Variants in LRPAP1 observed in about 807,000 individuals in gnomAD.
LRPAP1 encodes LDL receptor related protein associated protein 1.
LRPAP1 carries 41 observed loss-of-function variants against 39.9 expected under a neutral mutation model. The observed-to-expected ratio is 1.03, with a 90% CI of 0.80 to 1.33. The LOEUF (loss-of-function observed/expected upper bound fraction) is 1.33. LRPAP1 is among the 40% of genes most tolerant of loss of function. The pLI is 0.00. For missense variants in LRPAP1, 565 were observed against 482.3 expected, an observed-to-expected ratio of 1.17 and a Z score of -1.61; for synonymous variants, 263 against 212.7, an observed-to-expected ratio of 1.24 and a Z score of -2.06.
At position 3,514,799 on chromosome 4, in the gene LRPAP1, C is replaced by T. The variant is rs1333498195; in HGVS notation, c.964G>A (p.Glu322Lys). The T allele has an allele frequency of 1.3e-5, 21 of 1,613,060 alleles. No individual in the cohort carries two copies. The highest frequency in any genetic ancestry group is 2.2e-5 in the South Asian group (2 of 91,066). ...GDGERVSRSR[E>K]KHALLEGRTK... ...CGCCCCTCCAGCAGGGCGTGCTTCTCGCGGCTGCGGCTCACACGCTCGCCG... is the reference window on the plus strand; with the variant it reads ...CGCCCCTCCAGCAGGGCGTGCTTCTTGCGGCTGCGGCTCACACGCTCGCCG... The change falls in exon 7 of 8, where the codon GAG (glutamate) becomes AAG (lysine). Residue 322 changes from glutamate (E) to lysine (K), a missense_variant. Transcript: ENST00000650182.
At chr4:3,516,269 AC>A in intron 5 of LRPAP1, 71 bp from the exon 6 acceptor site, 3 of 1,210,214 alleles carry the variant, frequency 2.5e-6, no homozygotes, top group Non-Finnish European at 3.5e-6. Context: ...CGCGGCAACC[AC>A]GCTGAGTGTG....
chr4:3,519,015 G>A lies in LRPAP1; in HGVS notation c.472-24C>T, dbSNP rs746880789. The A allele has an allele frequency of 1.6e-5, 25 of 1,608,622 alleles. No homozygotes were observed. The East Asian group carries it at 2.5e-4, about 16-fold the overall frequency. ...GCCTAAGAGGGAAACAAGGCCTGGA[G>A]TGAACCCGCCGCGGGCTCGTGTGGC... is the stretch of plus-strand genomic sequence containing the variant. On this transcript the variant is annotated intron_variant, in intron 3 of 7. Transcript: ENST00000650182.
intron 1 of LRPAP1, 81 bp downstream of exon 1, chr4:3,532,128 G>A: frequency 1.4e-6 from 2 of 1,415,770 alleles, no homozygotes; most frequent in East Asian, 2.5e-5. Flanking sequence ...CTCCGCCTCC[G>A]ACCCCTGGGC....
intron 6 of LRPAP1, 124 bp from the exon 7 acceptor site, chr4:3,515,052 G>GCGCCA: frequency 9.2e-7 from 1 of 1,082,082 alleles, no homozygotes; most frequent in Non-Finnish European, 1.3e-6. Context: ...AGGCCTTGCG[G>GCGCCA]TGACATGGGC....
chr4:3,532,181 C>A (rs1320444066), intron 1 of LRPAP1, 28 bp downstream of exon 1: 6 of 1,189,500 alleles, frequency 5.0e-6, no homozygotes, highest in African/African-American at 3.0e-5. Context: ...CCCCAGGCCC[C>A]GCTCCACCGA....
chr4:3,522,368 G>A (rs189036710), intron 2 of LRPAP1, among the ~76,000 whole-genome samples: 1 of 152,400 alleles, frequency 6.6e-6, no homozygotes, highest in African/African-American at 2.4e-5. Context: ...ATCAGCAGCA[G>A]GGACTATGGA....
intron 5 of LRPAP1, 76 bp downstream of exon 5, chr4:3,517,958 C>A: frequency 6.6e-7 from 1 of 1,510,072 alleles, no homozygotes; most frequent in Non-Finnish European, 8.9e-7. Flanking sequence ...GCTACAAGCA[C>A]CTGCCTGCTT....
In LRPAP1 at chr4:3,516,272, C is replaced by T; in HGVS notation, c.752-74G>A. The T allele has an allele frequency of 1.7e-5, 20 of 1,186,124 alleles. No homozygotes were observed. In the South Asian group the frequency reaches 2.6e-4, roughly 15 times the overall value. 73.5% of individuals were successfully genotyped at this position (1,186,124 alleles called of 1,614,324 possible). On this transcript the variant is annotated intron_variant, in intron 5 of 7. Coordinates refer to ENST00000650182, the MANE Select transcript of LRPAP1 (RefSeq NM_002337.4). ...CACAGCCAGCCCCGCGGCAACCACGCTGAGTGTGCGTGGAGCCTATGAGGG... is the reference window on the plus strand; with the variant it reads ...CACAGCCAGCCCCGCGGCAACCACGTTGAGTGTGCGTGGAGCCTATGAGGG...
Position 3,513,011 on chromosome 4 carries a change from G to T in LRPAP1, c.1037C>A (p.Ser346Tyr). 1 of 1,612,796 alleles carries T rather than the reference G, an allele frequency of 6.2e-7. No individual in the cohort carries two copies. Among genetic ancestry groups the T allele is most frequent in the Non-Finnish European group, 8.5e-7 (1 of 1,179,490 alleles). ...GTGCCGAGCTCTGGAGATCCTGCCGGACAGGTCCTGCAGATGCTTCTTCAC... is the reference window on the plus strand; with the variant it reads ...GTGCCGAGCTCTGGAGATCCTGCCGTACAGGTCCTGCAGATGCTTCTTCAC... ...YTVKKHLQDLSGRISRARHNE... is the reference protein window; with the variant it reads ...YTVKKHLQDLYGRISRARHNE... The change falls in exon 8 of 8, where the codon TCC (serine) becomes TAC (tyrosine). Residue 346 changes from serine to tyrosine, a missense_variant. Physicochemically the swap from Ser to Tyr is moderately radical, Grantham distance 144 (BLOSUM62 -2). Transcript: ENST00000650182.
intron 3 of LRPAP1, among the ~76,000 whole-genome samples, chr4:3,519,759 C>T (rs1159285924): frequency 1.3e-5 from 2 of 152,218 alleles, no homozygotes; most frequent in South Asian, 2.1e-4. Flanking sequence ...AAATCCGACA[C>T]GGAGTAAAGA....
At chr4:3,529,968 C>T (rs181945762) in intron 1 of LRPAP1, among the ~76,000 whole-genome samples, 6 of 152,184 alleles carry the variant, frequency 3.9e-5, no homozygotes, top group Non-Finnish European at 7.3e-5. Flanking sequence ...GCTGCAGAGC[C>T]GGGCAGGAAG....
At position 3,509,823 on chromosome 4, in the gene LRPAP1, CTGGAGA is replaced by C. The variant is rs1729454949; in HGVS notation, c.*3145_*3150del. On this transcript the variant is annotated 3_prime_UTR_variant, in exon 8 of 8. Transcript: ENST00000650182. ...ACACACGGCAGTCAACGCGTGGACA[CTGGAGA>C]CTGTTGAGACGCCGACTGGAGTCAC... 2.1e-5 allele frequency: 3 copies of C among 142,134 alleles called. No homozygotes were observed. Among genetic ancestry groups the C allele is most frequent in the Admixed American group, 1.4e-4 (2 of 13,934 alleles). The allele number at this position is 142,134 out of a possible 1,614,324, so 8.8% of individuals were successfully genotyped here.
chr4:3,529,747 C>T (rs555091409), intron 1 of LRPAP1, among the ~76,000 whole-genome samples: 1 of 152,198 alleles, frequency 6.6e-6, no homozygotes, highest in Non-Finnish European at 1.5e-5. Context: ...GCAACCTCAA[C>T]GCAGGTCTCA....
At chr4:3,525,869 G>C (rs1367552425) in intron 1 of LRPAP1, among the ~76,000 whole-genome samples, 2 of 152,232 alleles carry the variant, frequency 1.3e-5, no homozygotes, top group Non-Finnish European at 2.9e-5. Context: ...GACTGGGCCA[G>C]AATGCCAGGC....
rs183983595 is a variant in LRPAP1, at chr4:3,512,887, G to A, written c.*87C>T. 3.4e-4 allele frequency: 416 copies of A among 1,235,438 alleles called. No homozygotes were observed. The African/African-American group carries it at 5.6e-3, about 17-fold the overall frequency. 76.5% of individuals were successfully genotyped at this position (1,235,438 alleles called of 1,614,324 possible). On this transcript the variant is annotated 3_prime_UTR_variant, in exon 8 of 8. Transcript: ENST00000650182. ...CCGTGCCAGCCCCAGCCACCCTGAC[G>A]GCGGGCTGTCCACGGAAATGCCACG...
At chr4:3,514,460 A>C (rs58059336) in intron 7 of LRPAP1, among the ~76,000 whole-genome samples, 1,530 of 152,278 alleles carry the variant, frequency 0.01, 26 homozygotes, top group African/African-American at 0.035. Context: ...GGCTGTGGGT[A>C]TCCAGGTCAC....
chr4:3,516,833 CCCT>C (rs1212485012), intron 5 of LRPAP1, among the ~76,000 whole-genome samples: 1 of 152,188 alleles, frequency 6.6e-6, no homozygotes, highest in Non-Finnish European at 1.5e-5. Flanking sequence ...GGCCCCTGCT[CCCT>C]CCTCTGCTGA....
chr4:3,526,640 G>A (rs948060824), intron 1 of LRPAP1, among the ~76,000 whole-genome samples: 1 of 152,218 alleles, frequency 6.6e-6, no homozygotes, highest in Non-Finnish European at 1.5e-5. Flanking sequence ...GCCGCGCAGG[G>A]GCACACGTTT....
chr4:3,514,195 G>T (rs1184703403), intron 7 of LRPAP1, among the ~76,000 whole-genome samples: 2 of 152,204 alleles, frequency 1.3e-5, no homozygotes, highest in Admixed American at 6.5e-5. Context: ...TATTTTTTAG[G>T]CCTTTGCTAT....
Sources: allele counts gnomAD v4.1 joint callset (sites outside exome capture counted in the v4.1 genomes callset), GRCh38; gene constraint gnomAD v4.1.1; transcripts MANE v1.5; gene names NCBI Gene and HGNC (gene_info 2026-07-23, HGNC 2026-07-21).